The following CACNA1E variants were observed in gnomAD, a reference collection of about 807,000 sequenced individuals.
CACNA1E encodes the protein calcium voltage-gated channel subunit alpha1 E.
A neutral mutation model predicts 259.2 loss-of-function variants in CACNA1E; 40 were observed. The ratio of observed to expected loss-of-function variants is 0.15; its 90% confidence interval spans 0.12 to 0.20. CACNA1E has a LOEUF of 0.20. Ranked by LOEUF, CACNA1E falls within the 10% of genes least tolerant of loss-of-function variation. The probability of loss-of-function intolerance (pLI) is 1.00; values close to 1 mark genes in which losing one functional copy is unlikely to be tolerated. For missense variants in CACNA1E, 1,874 were observed against 3,040.1 expected (o/e 0.62, Z 9.02); for synonymous variants, 1,104 against 1,138.5 (o/e 0.97, Z 0.61).
chr1:181,347,719 A>T (rs1224067825), intron 1 of CACNA1E, among the ~76,000 whole-genome samples: 1 of 152,194 alleles, frequency 6.6e-6, no homozygotes, highest in East Asian at 1.9e-4. Flanking sequence ...TGTGTCAGCC[A>T]TTGTGGGTGA....
At chr1:181,325,553 G>C (rs571264318) in intron 1 of CACNA1E, among the ~76,000 whole-genome samples, 6 of 152,362 alleles carry the variant, frequency 3.9e-5, no homozygotes, top group African/African-American at 1.4e-4. Context: ...CCCTCCAGGG[G>C]AGTCTCATGC....
intron 7 of CACNA1E, among the ~76,000 whole-genome samples, chr1:181,674,411 A>G (rs1649156622): frequency 6.6e-6 from 1 of 151,004 alleles, no homozygotes; most frequent in African/African-American, 2.4e-5. Flanking sequence ...AAAAAAAAAA[A>G]AAAAAAAAAG....
rs555498135 is a variant in CACNA1E, at chr1:181,575,474, A to G, written c.513-2292A>G. On this transcript the variant is annotated intron_variant, in intron 3 of 47. Transcript: ENST00000367573. ...TATTTCCTTTGTTGTTTATATCCCT[A>G]CATTTTCTTTTACTGCTCACTCTTC... 3.3e-5 allele frequency among the ~76,000 whole-genome samples: 5 copies of G among 152,094 alleles called. No individual in the cohort carries two copies. The East Asian group carries it at 9.6e-4, about 29-fold the overall frequency.
rs747996975 is a variant in CACNA1E at position 181,736,448 on chromosome 1, G to A, written c.3422+14G>A. 4.4e-5 allele frequency: 70 copies of A among 1,607,788 alleles called. No homozygotes were observed. Among genetic ancestry groups the A allele is most frequent in the South Asian group, 6.7e-5 (6 of 89,498 alleles). ...CACCACCAACCCGTAAGCCACCCTCGCGTTGCTCCCTCTTTAGTGCTAGGG... is the reference window on the plus strand; with the variant it reads ...CACCACCAACCCGTAAGCCACCCTCACGTTGCTCCCTCTTTAGTGCTAGGG... On this transcript the variant is annotated intron_variant, in intron 22 of 47. Transcript: ENST00000367573.
At chr1:181,377,152 CAG>C (rs1655158234) in intron 1 of CACNA1E, among the ~76,000 whole-genome samples, 1 of 152,152 alleles carries the variant, frequency 6.6e-6, no homozygotes. Flanking sequence ...AAATCATGGA[CAG>C]TTGTTACCAA....
intron 1 of CACNA1E, among the ~76,000 whole-genome samples, chr1:181,412,698 A>C (rs1341118812): frequency 6.6e-6 from 1 of 152,212 alleles, no homozygotes; most frequent in Non-Finnish European, 1.5e-5. Flanking sequence ...CTTCTACCAA[A>C]AATGGGAGGG....
At position 181,718,175 on chromosome 1, in the gene CACNA1E, C is replaced by T. The variant is rs2102466758; in HGVS notation, c.1638+8C>T. The T allele has an allele frequency of 5.6e-6, 8 of 1,440,658 alleles. No individual in the cohort carries two copies. The highest frequency in any genetic ancestry group is 7.8e-6 in the Non-Finnish European group (8 of 1,025,094). The allele number at this position is 1,440,658 out of a possible 1,614,324, so 89.2% of individuals were successfully genotyped here. ...AACTGCTTTGATTTTGGGGTAAGTC[C>T]TCGGAAGCCTGCCTCTGCTCCTGCT... On this transcript the variant is annotated splice_region_variant and intron_variant, in intron 12 of 47. Coordinates refer to ENST00000367573, the MANE Select transcript of CACNA1E (RefSeq NM_001205293.3).
chr1:181,418,227 G>A (rs577134217), intron 2 of CACNA1E, among the ~76,000 whole-genome samples: 1 of 152,114 alleles, frequency 6.6e-6, no homozygotes, highest in South Asian at 2.1e-4. Context: ...CAAACTCTTG[G>A]CCTCAAGTAA....
At chr1:181,575,113 G>A (rs1397421864) in intron 3 of CACNA1E, among the ~76,000 whole-genome samples, 2 of 152,144 alleles carry the variant, frequency 1.3e-5, no homozygotes, top group African/African-American at 4.8e-5. Context: ...AGGAGTATTG[G>A]AACTGTGGGA....
intron 1 of CACNA1E, among the ~76,000 whole-genome samples, chr1:181,488,951 T>C (rs1415387808): frequency 1.3e-5 from 2 of 152,238 alleles, no homozygotes; most frequent in Non-Finnish European, 2.9e-5. Context: ...ACATCTGGTT[T>C]CTTTCAATCT....
At chr1:181,632,165 A>G (rs1028034310) in intron 6 of CACNA1E, among the ~76,000 whole-genome samples, 4 of 135,272 alleles carry the variant, frequency 3.0e-5, no homozygotes, top group Non-Finnish European at 4.8e-5. Context: ...ACTTCTCTTC[A>G]CCCTGTAGTC....
At chr1:181,328,290 A>C (rs944700261) in intron 1 of CACNA1E, among the ~76,000 whole-genome samples, 1 of 152,154 alleles carries the variant, frequency 6.6e-6, no homozygotes, top group Non-Finnish European at 1.5e-5. Flanking sequence ...TTGTAAGGGC[A>C]CTAATCCCAT....
chr1:181,442,368 AGGGCACAGGTGTAAG>A (rs1408905334), intron 2 of CACNA1E, among the ~76,000 whole-genome samples: 1 of 150,686 alleles, frequency 6.6e-6, no homozygotes, highest in African/African-American at 2.5e-5. Flanking sequence ...ACAGGTGTGA[AGGGCACAGGTGTAAG>A]GGGCACAGGT....
intron 2 of CACNA1E, among the ~76,000 whole-genome samples, chr1:181,439,234 A>T (rs188494780): frequency 1.8e-3 from 269 of 152,342 alleles, no homozygotes; most frequent in African/African-American, 6.3e-3. Context: ...GTCAATTCAG[A>T]CATAGAGAAT....
At chr1:181,590,676 G>A (rs949570654) in intron 6 of CACNA1E, among the ~76,000 whole-genome samples, 1 of 152,050 alleles carries the variant, frequency 6.6e-6, no homozygotes, top group African/African-American at 2.4e-5. Flanking sequence ...CACCCCAGGA[G>A]CTGGTGGGTG....
At chr1:181,796,242 T>A (rs1661793943) in intron 46 of CACNA1E, among the ~76,000 whole-genome samples, 1 of 152,306 alleles carries the variant, frequency 6.6e-6, no homozygotes, top group South Asian at 2.1e-4. Context: ...GCCAGGATTC[T>A]TTTAGGGGCC....
At chr1:181,683,348 A>T (rs1392862031) in intron 7 of CACNA1E, among the ~76,000 whole-genome samples, 1 of 152,212 alleles carries the variant, frequency 6.6e-6, no homozygotes, top group East Asian at 1.9e-4. Flanking sequence ...AATTGCATTT[A>T]GCTTACAGTT....
intron 1 of CACNA1E, among the ~76,000 whole-genome samples, chr1:181,323,541 C>G (rs952695203): frequency 5.9e-5 from 9 of 152,178 alleles, no homozygotes; most frequent in African/African-American, 2.2e-4. Context: ...CTCTCTTCTT[C>G]TATTATCTTT....
intron 7 of CACNA1E, among the ~76,000 whole-genome samples, chr1:181,705,643 G>A (rs1234020365): frequency 6.6e-6 from 1 of 152,204 alleles, no homozygotes; most frequent in Non-Finnish European, 1.5e-5. Context: ...AGCCAGGTTT[G>A]GGGCTGGAGG....
Sources: allele counts gnomAD v4.1 joint callset (sites outside exome capture counted in the v4.1 genomes callset), GRCh38; gene constraint gnomAD v4.1.1; transcripts MANE v1.5; gene names NCBI Gene and HGNC (gene_info 2026-07-23, HGNC 2026-07-21).